The following CLCN2 variants were observed in gnomAD, a reference collection of about 807,000 sequenced individuals.
The protein encoded by CLCN2 is chloride voltage-gated channel 2.
CLCN2 carries 72 observed loss-of-function variants against 108.3 expected under a neutral mutation model. The observed-to-expected ratio is 0.66, with a 90% confidence interval of 0.55 to 0.81. The LOEUF is 0.81. CLCN2 is among the 30% of genes least tolerant of loss of function. CLCN2 has a pLI of 0.00. For synonymous variants in CLCN2, 471 were observed against 467.1 expected (o/e 1.01, Z -0.11); for missense variants, 1,048 against 1,205.2 (o/e 0.87, Z 1.93).
At chr3:184,356,657 A>AG (rs1728575088) in intron 10 of CLCN2, 1 of 248,962 alleles carries the variant, frequency 4.0e-6, no homozygotes, top group Non-Finnish European at 7.8e-6. Flanking sequence ...AAAAAAAAAA[A>AG]GAGATCTCAT....
intron 3 of CLCN2, 151 bp downstream of exon 3, chr3:184,358,531 C>T (rs533352068): frequency 1.5e-5 from 18 of 1,190,890 alleles, no homozygotes; most frequent in Middle Eastern, 2.7e-4. Flanking sequence ...TGGGAGTGGC[C>T]GAGATGATGC....
rs376932151 is a variant in CLCN2 at position 184,357,128 on chromosome 3, G to A, written c.984-34C>T. On this transcript the variant is annotated intron_variant, in intron 9 of 23. Transcript: ENST00000265593. ...GGAAGAGGCACCTGAGTGAAAAGGA[G>A]CCTTCTAGAAACCCCCCTCCTCTCT... is the stretch of plus-strand genomic sequence containing the variant. 1.9e-5 allele frequency: 30 copies of A among 1,609,980 alleles called. 1 individual carries two copies. The highest frequency in any genetic ancestry group is 3.3e-5 in the South Asian group (3 of 90,688).
At chr3:184,354,795 T>G (rs1728414050) in intron 13 of CLCN2, 109 bp downstream of exon 13, 4 of 1,393,620 alleles carry the variant, frequency 2.9e-6, no homozygotes, top group South Asian at 1.2e-5. Context: ...GGGTCAGGGT[T>G]CGGGCTAGGG....
At position 184,361,582 on chromosome 3, in the gene CLCN2, C is replaced by T. The variant is rs1194926315; in HGVS notation, c.-103G>A. 1.5e-6 allele frequency: 2 copies of T among 1,313,210 alleles called. No individual in the cohort carries two copies. The highest frequency in any genetic ancestry group is 2.9e-5 in the African/African-American group (2 of 68,188). The allele number at this position is 1,313,210 out of a possible 1,614,324, so 81.3% of individuals were successfully genotyped here. On this transcript the variant is annotated 5_prime_UTR_variant, in exon 1 of 24. Coordinates refer to ENST00000265593, the MANE Select transcript of CLCN2 (RefSeq NM_004366.6). The surrounding 1 kb of genome is among the most constrained non-coding windows in gnomAD (Gnocchi z 6.6). ...GCCGGCAGCCGTCCCGTCCCCGCAG[C>T]CCGGGAGGCCGAGAGCAGAGTGCGG...
At chr3:184,356,658 G>T in intron 10 of CLCN2, 1 of 205,704 alleles carries the variant, frequency 4.9e-6, no homozygotes, top group East Asian at 1.3e-4. Flanking sequence ...AAAAAAAAAA[G>T]AGATCTCATC....
intron 1 of CLCN2, among the ~76,000 whole-genome samples, chr3:184,360,247 A>AG (rs943380185): frequency 6.6e-6 from 1 of 150,940 alleles, no homozygotes; most frequent in Non-Finnish European, 1.5e-5. Flanking sequence ...AGGATGGTGA[A>AG]GGGGGGCGGG....
In CLCN2 at chr3:184,353,394, C is replaced by T; in HGVS notation, c.1884G>A (p.Glu628=). 3.1e-6 allele frequency: 5 copies of T among 1,612,224 alleles called. No individual in the cohort carries two copies. Among genetic ancestry groups the T allele is most frequent in the Non-Finnish European group, 4.2e-6 (5 of 1,179,492 alleles). ...PESMILLGSI[E]RSQVVALLGA... is the part of the protein sequence containing the mutation. ...CCAACAATGCCACCACCTGTGAACGCTCGATGGAGCCCAGCAGAATCATGG... is the reference window on the plus strand; with the variant it reads ...CCAACAATGCCACCACCTGTGAACGTTCGATGGAGCCCAGCAGAATCATGG... The change falls in exon 17 of 24, where the codon GAG becomes GAA. Residue 628 remains glutamate (E), a synonymous_variant. Coordinates refer to ENST00000265593, the MANE Select transcript of CLCN2 (RefSeq NM_004366.6).
rs1213149009 is a variant in CLCN2, at chr3:184,357,255, C to G, written c.910G>C (p.Ala304Pro). The G allele has an allele frequency of 6.2e-7, 1 of 1,613,984 alleles. No homozygotes were observed. The highest frequency in any genetic ancestry group is 1.7e-5 in the Admixed American group (1 of 60,022). ...VWNRDEETIT[A>P]LFKTRFRLDF... ...AGCCGGAATCGGGTTTTGAAGAGGG[C>G]TGTAATAGTCTCTAAAGGGAAGAAC... The change falls in exon 9 of 24, where the codon GCC (alanine) becomes CCC (proline). Residue 304 changes from alanine (A) to proline (P), a missense_variant. Coordinates refer to ENST00000265593, the MANE Select transcript of CLCN2 (RefSeq NM_004366.6).
intron 22 of CLCN2, chr3:184,347,935 C>T (rs1305309885): frequency 6.6e-6 from 1 of 152,186 alleles, no homozygotes; most frequent in Non-Finnish European, 1.5e-5. Context: ...TTGAAAAACG[C>T]TCTCCTGACT....
Position 184,354,565 on chromosome 3 carries a change from C to T in CLCN2, c.1490G>A (p.Gly497Glu), listed in dbSNP as rs1212318692. 1 of 1,613,126 alleles carries T rather than the reference C, an allele frequency of 6.2e-7. No homozygotes were observed. The highest frequency in any genetic ancestry group is 8.5e-7 in the Non-Finnish European group (1 of 1,179,882). Reference protein sequence around the residue: ...TDSSTYRIVPGGYAVVGAAAL... With the variant: ...TDSSTYRIVPEGYAVVGAAAL... ...GCACTCACCGACCACAGCGTAGCCCCCAGGCACAATCCGGTAGGTGCTGCT... is the reference window on the plus strand; with the variant it reads ...GCACTCACCGACCACAGCGTAGCCCTCAGGCACAATCCGGTAGGTGCTGCT... The change falls in exon 14 of 24, where the codon GGG becomes GAG. Residue 497 changes from glycine (G) to glutamate (E), a missense_variant. Coordinates refer to ENST00000265593, the MANE Select transcript of CLCN2 (RefSeq NM_004366.6).
rs377119457 is a variant in CLCN2, at chr3:184,347,012, T to C, written c.2425A>G (p.Ile809Val). 3.3e-4 allele frequency: 534 copies of C among 1,613,494 alleles called. No homozygotes were observed. Among genetic ancestry groups the C allele is most frequent in the Non-Finnish European group, 4.3e-4 (509 of 1,179,694 alleles). Residue 809 changes from isoleucine (I) to valine (V), a missense_variant, in exon 23 of 24, where the codon ATC (isoleucine) becomes GTC (valine). Coordinates refer to ENST00000265593, the MANE Select transcript of CLCN2 (RefSeq NM_004366.6). ...ERTSLHKTHT[I>V]FSLLGVDHAY... The stretch of plus-strand genomic sequence containing the variant: ...TGGTCCACTCCCAGCAGTGAGAAGA[T>C]AGTGTGAGTCTGCAGTGTGGGGAGA...
At chr3:184,357,126 G>A (rs759206484) in intron 9 of CLCN2, 32 bp from the exon 10 acceptor site, 6 of 1,609,860 alleles carry the variant, frequency 3.7e-6, no homozygotes, top group Non-Finnish European at 5.1e-6. Flanking sequence ...GAGTGAAAAG[G>A]AGCCTTCTAG....
chr3:184,351,376 T>C (rs1354062254), intron 22 of CLCN2, among the ~76,000 whole-genome samples: 2 of 152,212 alleles, frequency 1.3e-5, no homozygotes, highest in Non-Finnish European at 2.9e-5. Flanking sequence ...TGGCCTCCTC[T>C]GGGGTCTGCC....
At chr3:184,352,271 C>G (rs751568899) in intron 21 of CLCN2, 22 bp downstream of exon 21, 21 of 1,613,254 alleles carry the variant, frequency 1.3e-5, no homozygotes, top group Non-Finnish European at 1.8e-5. Flanking sequence ...GAAACAGGGT[C>G]CAGAGTCCAG....
intron 3 of CLCN2, 45 bp from the exon 4 acceptor site, chr3:184,358,355 G>A (rs1711557291): frequency 5.0e-6 from 8 of 1,612,146 alleles, no homozygotes; most frequent in Non-Finnish European, 5.9e-6. Context: ...CACACCCACT[G>A]CCTGCCTGGC....
Position 184,353,356 on chromosome 3 carries a change from C to G in CLCN2, c.1922G>C (p.Ser641Thr). The change falls in exon 17 of 24, where the codon AGC becomes ACC. Residue 641 changes from serine to threonine, a missense_variant. Transcript: ENST00000265593. ...QVVALLGAQLSPARRRQHMQE... is the reference protein window; with the variant it reads ...QVVALLGAQLTPARRRQHMQE... The stretch of plus-strand genomic sequence containing the variant: ...CATGTGCTGCCGCCGGCGGGCTGGG[C>G]TCAGCTGGGCCCCCAACAATGCCAC... The G allele has an allele frequency of 1.2e-6, 2 of 1,613,036 alleles. No individual in the cohort carries two copies. The highest frequency in any genetic ancestry group is 2.2e-5 in the South Asian group (2 of 91,080).
At position 184,354,583 on chromosome 3, in the gene CLCN2, G is replaced by A. The variant is rs1295390824; in HGVS notation, c.1472C>T (p.Thr491Ile). ...FPDGIHTDSS[T>I]YRIVPGGYAV... ...GTAGCCCCCAGGCACAATCCGGTAG[G>A]TGCTGCTGTCCGTATGAATTCCATC... Residue 491 changes from threonine to isoleucine, a missense_variant, in exon 14 of 24, where the codon ACC becomes ATC. Physicochemically the swap from Thr to Ile is moderately conservative, Grantham distance 89. Transcript: ENST00000265593. 5 of 1,613,148 alleles carry A rather than the reference G, an allele frequency of 3.1e-6. No homozygotes were observed. Among genetic ancestry groups the A allele is most frequent in the African/African-American group, 1.3e-5 (1 of 74,842 alleles).
chr3:184,350,569 G>T (rs1030054242), intron 22 of CLCN2, among the ~76,000 whole-genome samples: 16 of 152,142 alleles, frequency 1.1e-4, no homozygotes, highest in African/African-American at 3.1e-4. Flanking sequence ...CCATGTAGCT[G>T]GGATTACAGG....
intron 22 of CLCN2, among the ~76,000 whole-genome samples, chr3:184,351,598 T>C (rs1728099596): frequency 6.6e-6 from 1 of 152,232 alleles, no homozygotes; most frequent in African/African-American, 2.4e-5. Context: ...ACTTGGATGT[T>C]TGTTGGCTTG....
Sources: gnomAD v4.1 joint callset for allele counts (sites outside exome capture counted in the v4.1 genomes callset) on GRCh38, gnomAD v4.1.1 for gene constraint, Gnocchi (gnomAD v3.1) non-coding constraint, MANE v1.5 for transcripts, NCBI Gene and HGNC (gene_info 2026-07-23, HGNC 2026-07-21) for gene names.